Variants in FAM107A observed in about 807,000 individuals in gnomAD.
FAM107A encodes the protein family with sequence similarity 107 member A.
Under a neutral mutation model 13.7 loss-of-function variants are expected in FAM107A, and 19 were observed. The ratio of observed to expected loss-of-function variants is 1.38; its 90% confidence interval spans 0.97 to 2.03. The LOEUF (loss-of-function observed/expected upper bound fraction) is 2.03. Ranked by LOEUF, FAM107A falls within the 30% of genes most tolerant of loss-of-function variation. The pLI is 0.00. For synonymous variants in FAM107A, 82 were observed against 74.5 expected (o/e 1.10, Z -0.52); for missense variants, 203 against 184.4 (o/e 1.10, Z -0.58).
intron 1 of FAM107A, among the ~76,000 whole-genome samples, chr3:58,625,636 T>A (rs1225066950): frequency 2.0e-5 from 3 of 152,220 alleles, no homozygotes; most frequent in Admixed American, 1.3e-4. Flanking sequence ...TTATTGAATA[T>A]GTATATTTGG....
intron 1 of FAM107A, among the ~76,000 whole-genome samples, chr3:58,600,417 T>C (rs559787744): frequency 2.0e-5 from 3 of 152,334 alleles, no homozygotes; most frequent in East Asian, 1.9e-4. Flanking sequence ...GCAGCAGGCA[T>C]GATCTTAACT....
upstream of FAM107A, among the ~76,000 whole-genome samples, chr3:58,590,896 G>T (rs1339294849): frequency 6.6e-6 from 1 of 152,208 alleles, no homozygotes. Flanking sequence ...GCGTAACTCA[G>T]ACCCTGATTC....
intron 2 of FAM107A, among the ~76,000 whole-genome samples, chr3:58,567,964 A>C (rs2063639640): frequency 6.6e-6 from 1 of 152,064 alleles, no homozygotes; most frequent in Non-Finnish European, 1.5e-5. Flanking sequence ...ACAGACAAGG[A>C]CTTGCTCTGT....
intron 1 of FAM107A, among the ~76,000 whole-genome samples, chr3:58,612,981 T>C (rs573462541): frequency 6.6e-6 from 1 of 152,202 alleles, no homozygotes; most frequent in African/African-American, 2.4e-5. Context: ...GCTGCAGGAA[T>C]TGACGGCGCA....
At chr3:58,595,487 A>G (rs963866719) in intron 1 of FAM107A, among the ~76,000 whole-genome samples, 2 of 152,154 alleles carry the variant, frequency 1.3e-5, no homozygotes, top group African/African-American at 4.8e-5. Flanking sequence ...GATAATGTAT[A>G]TTCCCTTGCC....
At chr3:58,593,910 C>T (rs1392202807) in intron 1 of FAM107A, among the ~76,000 whole-genome samples, 1 of 152,144 alleles carries the variant, frequency 6.6e-6, no homozygotes, top group Non-Finnish European at 1.5e-5. Flanking sequence ...TTCGCACCAA[C>T]AAGCTGCCAC....
At chr3:58,581,189 A>T (rs1199145455), upstream of FAM107A, among the ~76,000 whole-genome samples, 1 of 152,204 alleles carries the variant, frequency 6.6e-6, no homozygotes, top group African/African-American at 2.4e-5. Context: ...TGGGGCATCA[A>T]AGGGGGAAGC....
intron 1 of FAM107A, among the ~76,000 whole-genome samples, chr3:58,593,217 G>A (rs1289720251): frequency 6.6e-6 from 1 of 152,072 alleles, no homozygotes; most frequent in Non-Finnish European, 1.5e-5. Flanking sequence ...AAACTCACTC[G>A]CATTTCTGAA....
chr3:58,610,635 T>G (rs753386430), intron 1 of FAM107A, among the ~76,000 whole-genome samples: 4 of 152,224 alleles, frequency 2.6e-5, no homozygotes, highest in African/African-American at 7.2e-5. Context: ...CTTGCATAGG[T>G]GGTGTATAGT....
upstream of FAM107A, chr3:58,589,237 A>G: frequency 2.0e-6 from 3 of 1,535,398 alleles, no homozygotes; most frequent in Non-Finnish European, 2.6e-6. Flanking sequence ...TCTCATTTTC[A>G]CTATGAAATC....
chr3:58,575,419 A>G (rs2063722572), intron 1 of FAM107A, among the ~76,000 whole-genome samples: 2 of 152,186 alleles, frequency 1.3e-5, no homozygotes, highest in African/African-American at 4.8e-5. Context: ...CCCTGTGGTC[A>G]CCACTAGAAT....
upstream of FAM107A, among the ~76,000 whole-genome samples, chr3:58,580,984 G>A (rs2065533084): frequency 6.6e-6 from 1 of 152,170 alleles, no homozygotes; most frequent in African/African-American, 2.4e-5. Flanking sequence ...CAGAATATGG[G>A]AAAACAGAGG....
chr3:58,591,388 C>G (rs2065653476), upstream of FAM107A, among the ~76,000 whole-genome samples: 1 of 152,186 alleles, frequency 6.6e-6, no homozygotes, highest in Admixed American at 6.5e-5. This position sits in a 1 kb window ranked among gnomAD's most constrained non-coding sequence, Gnocchi z 4.3. Flanking sequence ...AGGTTCCGAG[C>G]TGGGCTGTGC....
At chr3:58,574,547 C>T (rs1239316842) in intron 1 of FAM107A, among the ~76,000 whole-genome samples, 1 of 152,162 alleles carries the variant, frequency 6.6e-6, no homozygotes, top group Non-Finnish European at 1.5e-5. Context: ...GGGATGGTCT[C>T]TAACCTCTGG....
At chr3:58,606,774 C>T (rs2065798778) in intron 1 of FAM107A, among the ~76,000 whole-genome samples, 1 of 152,258 alleles carries the variant, frequency 6.6e-6, no homozygotes, top group African/African-American at 2.4e-5. Flanking sequence ...TTTCAGTCTA[C>T]TCTCAATTTC....
In FAM107A at chr3:58,565,435, A is replaced by ATTTTTTT. The variant is rs71625690; in HGVS notation, c.*1146_*1152dup. ...GACTAGGAAAAAGTAAAAAAAAAAA[A>ATTTTTTT]TTTTTTTTTTTTTTTTTTTTTTTTT... On this transcript the variant is annotated 3_prime_UTR_variant, in exon 4 of 4. Coordinates refer to ENST00000360997, the MANE Select transcript of FAM107A (RefSeq NM_001076778.3). The ATTTTTTT allele has an allele frequency of 1.3e-4, 11 of 82,348 alleles. No homozygotes were observed. The East Asian group carries it at 1.5e-3, about 11-fold the overall frequency. The allele number at this position is 82,348 out of a possible 1,614,324, so 5.1% of individuals were successfully genotyped here.
Position 58,566,487 on chromosome 3 carries a change from C to T in FAM107A, c.*101G>A. 1.2e-6 allele frequency: 1 copy of T among 812,894 alleles called. No individual in the cohort carries two copies. The allele number at this position is 812,894 out of a possible 1,614,324, so 50.4% of individuals were successfully genotyped here. On this transcript the variant is annotated 3_prime_UTR_variant, in exon 4 of 4. Transcript: ENST00000360997. ...TCTACAGAAGCAGGTGGGAACATCA[C>T]AGACGTCCCAGGGCCTGGGGCCCAG...
At chr3:58,606,404 C>T (rs1340990392) in intron 1 of FAM107A, among the ~76,000 whole-genome samples, 1 of 152,218 alleles carries the variant, frequency 6.6e-6, no homozygotes, top group Non-Finnish European at 1.5e-5. Flanking sequence ...CCTATGCAGA[C>T]ATCTCTTACA....
chr3:58,569,657 T>G lies in FAM107A; in HGVS notation c.170+34A>C. ...CCCCATCCCCCACAGGCCCAGGTGCTTGCGGGGCCCAGGCAGCAGGGCTTC... is the reference window on the plus strand; with the variant it reads ...CCCCATCCCCCACAGGCCCAGGTGCGTGCGGGGCCCAGGCAGCAGGGCTTC... On this transcript the variant is annotated intron_variant, in intron 2 of 3. Coordinates refer to ENST00000360997, the MANE Select transcript of FAM107A (RefSeq NM_001076778.3). This position sits in a 1 kb window ranked among gnomAD's most constrained non-coding sequence, Gnocchi z 5.7. The G allele has an allele frequency of 6.3e-7, 1 of 1,581,738 alleles. No homozygotes were observed. The highest frequency in any genetic ancestry group is 1.1e-5 in the South Asian group (1 of 87,328).
Sources: gnomAD v4.1 joint callset for allele counts (sites outside exome capture counted in the v4.1 genomes callset) on GRCh38, gnomAD v4.1.1 for gene constraint, Gnocchi (gnomAD v3.1) non-coding constraint, MANE v1.5 for transcripts, NCBI Gene and HGNC (gene_info 2026-07-23, HGNC 2026-07-21) for gene names.